The following CTNNA3 variants were observed in gnomAD, a reference collection of about 807,000 sequenced individuals.
CTNNA3 encodes the protein catenin alpha 3.
A neutral mutation model predicts 95.7 loss-of-function variants in CTNNA3; 76 were observed. The ratio of observed to expected loss-of-function variants is 0.79; its 90% CI spans 0.66 to 0.96. The LOEUF is 0.96. Among genes scored for constraint, CTNNA3 ranks in the 40% least tolerant of loss-of-function variants. CTNNA3 has a pLI of 0.00. For missense variants in CTNNA3, 1,191 were observed against 1,089.8 expected (o/e 1.09, Z -1.31); for synonymous variants, 431 against 374.4 (o/e 1.15, Z -1.74).
chr10:66,193,554 A>ACCTC (rs2086790956), intron 13 of CTNNA3, among the ~76,000 whole-genome samples: 1 of 152,214 alleles, frequency 6.6e-6, no homozygotes, highest in African/African-American at 2.4e-5. Flanking sequence ...CAGACTCTAA[A>ACCTC]AGAATTTTCA....
chr10:65,942,554 A>C (rs1170727853), intron 17 of CTNNA3, among the ~76,000 whole-genome samples: 3 of 152,118 alleles, frequency 2.0e-5, no homozygotes, highest in Non-Finnish European at 4.4e-5. Context: ...ACAACAAAAG[A>C]AGCATCCATT....
chr10:66,505,927 G>C (rs1231509405), intron 11 of CTNNA3, among the ~76,000 whole-genome samples: 2 of 152,086 alleles, frequency 1.3e-5, no homozygotes, highest in African/African-American at 4.8e-5. Context: ...TCCAAAACTG[G>C]ATAATCTATA....
chr10:67,305,952 T>C (rs960664760), intron 5 of CTNNA3, among the ~76,000 whole-genome samples: 10 of 152,114 alleles, frequency 6.6e-5, no homozygotes, highest in Non-Finnish European at 1.5e-4. Context: ...GTCTATGGTA[T>C]AGGTTGAGTA....
chr10:66,586,312 C>T (rs575013564), intron 10 of CTNNA3, among the ~76,000 whole-genome samples: 6 of 152,126 alleles, frequency 3.9e-5, no homozygotes, highest in Admixed American at 2.0e-4. Context: ...TAATATCCAA[C>T]GATTGGATGA....
rs558340916 is a variant in CTNNA3 at position 67,446,827 on chromosome 10, C to T, written c.579+75015G>A. Among the ~76,000 whole-genome samples the T allele has an allele frequency of 3.3e-5, 5 of 152,226 alleles. No homozygotes were observed. The East Asian group carries it at 9.7e-4, about 29-fold the overall frequency. On this transcript the variant is annotated intron_variant, in intron 5 of 17. Transcript: ENST00000433211. ...CACATTGCAAAACTACATCCTAGGC[C>T]AGGCATGGTGGCTCACGGCTGTAAT...
chr10:66,132,734 T>A (rs1221959166), intron 13 of CTNNA3, among the ~76,000 whole-genome samples: 1 of 152,106 alleles, frequency 6.6e-6, no homozygotes, highest in African/African-American at 2.4e-5. Flanking sequence ...AAGAATGAGA[T>A]CATGTCTTTT....
intron 17 of CTNNA3, among the ~76,000 whole-genome samples, chr10:65,930,949 T>A (rs1186085353): frequency 6.6e-6 from 1 of 152,220 alleles, no homozygotes; most frequent in Non-Finnish European, 1.5e-5. Context: ...GTATATATAC[T>A]GTACATGTTT....
chr10:67,139,431 G>GCCA (rs1860446204), intron 7 of CTNNA3, among the ~76,000 whole-genome samples: 1 of 151,478 alleles, frequency 6.6e-6, no homozygotes, highest in African/African-American at 2.4e-5. Context: ...ACAGGCACGA[G>GCCA]CCACCATACC....
chr10:67,728,006 G>C (rs1841251004), intron 1 of CTNNA3, among the ~76,000 whole-genome samples: 1 of 134,760 alleles, frequency 7.4e-6, no homozygotes, highest in Non-Finnish European at 1.5e-5. Flanking sequence ...TGTATATTAT[G>C]TATTATATAT....
intron 11 of CTNNA3, among the ~76,000 whole-genome samples, chr10:66,415,946 A>C (rs1360713637): frequency 6.6e-6 from 1 of 152,200 alleles, no homozygotes; most frequent in South Asian, 2.1e-4. Flanking sequence ...AAAAGCAAGA[A>C]TATATGACAG....
rs549034351 is a variant in CTNNA3 at position 66,457,406 on chromosome 10, G to A, written c.1531+63211C>T. On this transcript the variant is annotated intron_variant, in intron 11 of 17. Coordinates refer to ENST00000433211, the MANE Select transcript of CTNNA3 (RefSeq NM_013266.4). ...TTAAAAATTCATGATAATATCAAAA[G>A]GCTGGTGAGAATGTGCAGTGACTAG... Among the ~76,000 whole-genome samples, 22 of 152,056 alleles carry A rather than the reference G, an allele frequency of 1.4e-4. No homozygotes were observed. In the South Asian group the frequency reaches 2.5e-3, roughly 17 times the overall value.
At chr10:67,692,807 A>G (rs1564832528) in intron 1 of CTNNA3, among the ~76,000 whole-genome samples, 1 of 151,976 alleles carries the variant, frequency 6.6e-6, no homozygotes, top group East Asian at 1.9e-4. Context: ...TTCAGGCACA[A>G]GCCTCTTATC....
At chr10:66,583,925 G>A (rs896620664) in intron 10 of CTNNA3, among the ~76,000 whole-genome samples, 5 of 151,576 alleles carry the variant, frequency 3.3e-5, no homozygotes, top group African/African-American at 1.2e-4. Context: ...CCACCTTAAT[G>A]TCATTGTTAA....
In CTNNA3 at chr10:67,070,803, G is replaced by C. The variant is rs533933447; in HGVS notation, c.1047+109514C>G. 2.0e-5 allele frequency among the ~76,000 whole-genome samples: 3 copies of C among 151,920 alleles called. No individual in the cohort carries two copies. In the East Asian group the frequency reaches 5.8e-4, roughly 29 times the overall value. On this transcript the variant is annotated intron_variant, in intron 7 of 17. Transcript: ENST00000433211. The stretch of plus-strand genomic sequence containing the variant: ...TCCTTGCCTACTCCAGGGTTACAAA[G>C]ATTTTTCTGCTATGTTTTCCTCTAT...
intron 15 of CTNNA3, among the ~76,000 whole-genome samples, chr10:66,014,534 T>C (rs1432069056): frequency 1.3e-5 from 2 of 152,212 alleles, no homozygotes; most frequent in Admixed American, 6.5e-5. Context: ...TTCTATGAGA[T>C]AGTCTGCCTT....
At chr10:66,416,052 A>G (rs2132613248) in intron 11 of CTNNA3, among the ~76,000 whole-genome samples, 1 of 152,324 alleles carries the variant, frequency 6.6e-6, no homozygotes, top group East Asian at 1.9e-4. Flanking sequence ...AAAAAAACAA[A>G]ACAAAGGAAT....
intron 11 of CTNNA3, among the ~76,000 whole-genome samples, chr10:66,389,528 T>A (rs1247716887): frequency 6.6e-6 from 1 of 152,146 alleles, no homozygotes; most frequent in Non-Finnish European, 1.5e-5. Context: ...GGGTGATTTC[T>A]ATTTTGTTGG....
chr10:66,031,633 G>T (rs931980794), intron 15 of CTNNA3, among the ~76,000 whole-genome samples: 3 of 152,108 alleles, frequency 2.0e-5, no homozygotes, highest in Non-Finnish European at 2.9e-5. Flanking sequence ...CCTGGGTGAT[G>T]GGATCAGTCA....
intron 13 of CTNNA3, among the ~76,000 whole-genome samples, chr10:66,207,555 T>C (rs1485737209): frequency 6.6e-6 from 1 of 152,078 alleles, no homozygotes; most frequent in Non-Finnish European, 1.5e-5. Context: ...ATGTTATTCC[T>C]AGCCCCCAAA....
Sources: gnomAD v4.1 joint callset for allele counts (sites outside exome capture counted in the v4.1 genomes callset) on GRCh38, gnomAD v4.1.1 for gene constraint, MANE v1.5 for transcripts, NCBI Gene and HGNC (gene_info 2026-07-23, HGNC 2026-07-21) for gene names.